TRO: variants seen among roughly 807,000 people sequenced by gnomAD.
The protein encoded by TRO is MAGE superfamily protein.
In TRO, 29 loss-of-function variants were observed where a neutral mutation model predicts 42.3. That is an observed-to-expected ratio of 0.68 (90% CI 0.51 to 0.93). The LOEUF is 0.93. Among genes scored for constraint, TRO ranks in the 40% least tolerant of loss-of-function variants. The pLI, the probability that TRO is intolerant of heterozygous loss-of-function variation, is 0.00. For synonymous variants in TRO, 384 were observed against 425.2 expected (o/e 0.90, Z 1.19); for missense variants, 963 against 1,127.7 (o/e 0.85, Z 2.09).
Position 54,922,596 on chromosome X carries a change from G to A in TRO, c.64G>A (p.Gly22Arg), listed in dbSNP as rs760092964. The change falls in exon 3 of 13, where the codon GGG (glycine) becomes AGG (arginine). Residue 22 changes from glycine (G) to arginine (R), a missense_variant. Coordinates refer to ENST00000173898, the MANE Select transcript of TRO (RefSeq NM_001039705.3). ...PLFQGPLPPP[G>R]SLGLPFPPDI... ...TGTGTAGGGCCCTCTGCCTCCCCCG[G>A]GGAGCCTGGGGCTTCCCTTCCCTCC... The A allele has an allele frequency of 9.9e-6, 12 of 1,209,023 alleles. No homozygotes were observed. The South Asian group carries it at 1.1e-4, about 11-fold the overall frequency.
At position 54,931,309 on chromosome X, in the gene TRO, T is replaced by C. The variant is rs374350720; in HGVS notation, c.*117T>C. 195 of 1,210,584 alleles carry C rather than the reference T, an allele frequency of 1.6e-4. No individual in the cohort carries two copies. Among genetic ancestry groups the C allele is most frequent in the Middle Eastern group, 2.3e-4 (1 of 4,375 alleles). On this transcript the variant is annotated 3_prime_UTR_variant, in exon 13 of 13. Coordinates refer to ENST00000173898, the MANE Select transcript of TRO (RefSeq NM_001039705.3). ...TTGTCCACACAGCAGTCAAGGCAGT[T>C]ATGGCCAATCAGCTGAGGGTGTCAT...
At chrX:54,925,762 C>A in intron 7 of TRO, 79 bp downstream of exon 7, 1 of 878,418 alleles carries the variant, frequency 1.1e-6, no homozygotes, top group Non-Finnish European at 1.6e-6. Context: ...TCCTACTTCC[C>A]CCATCCTCTT....
At chrX:54,924,309 G>C (rs1932491422) in intron 3 of TRO, 142 bp from the exon 4 acceptor site, 5 of 524,783 alleles carry the variant, frequency 9.5e-6, no homozygotes, top group African/African-American at 2.4e-5. Context: ...GTGGCCAATG[G>C]CAAGGTCAGG....
intron 9 of TRO, 183 bp from the exon 10 acceptor site, chrX:54,926,860 G>T: frequency 1.6e-6 from 1 of 623,372 alleles, no homozygotes. Flanking sequence ...GACCTTCAGG[G>T]ATCCCTGACA....
chrX:54,922,608 C>T lies in TRO; in HGVS notation c.76C>T (p.Leu26Phe), dbSNP rs1187547531. ...TCTGCCTCCCCCGGGGAGCCTGGGG[C>T]TTCCCTTCCCTCCAGATATACAGAC... The part of the protein sequence containing the change: ...GPLPPPGSLG[L>F]PFPPDIQTET... Residue 26 changes from leucine to phenylalanine, a missense_variant, in exon 3 of 13, where the codon CTT becomes TTT. Coordinates refer to ENST00000173898, the MANE Select transcript of TRO (RefSeq NM_001039705.3). 4.1e-6 allele frequency: 5 copies of T among 1,207,888 alleles called. No homozygotes were observed. The highest frequency in any genetic ancestry group is 2.3e-4 in the Middle Eastern group (1 of 4,354).
intron 4 of TRO, 42 bp downstream of exon 4, chrX:54,924,597 G>T (rs750697702): frequency 2.3e-5 from 28 of 1,196,042 alleles, no homozygotes; most frequent in Admixed American, 8.8e-5. Flanking sequence ...TTCTTCACTT[G>T]CCCTCTTCTC....
Position 54,929,444 on chromosome X carries a change from G to A in TRO, c.2720G>A (p.Gly907Asp). ...TTTGGTGGCTCTCCCAGCTCCAGTG[G>A]TAGCTTTGGTGGTACACTCAGTACC... The part of the protein sequence containing the change: ...VCFGGSPSSS[G>D]SFGGTLSTSI... The change falls in exon 12 of 13, where the codon GGT becomes GAT. Residue 907 changes from glycine to aspartate, a missense_variant. Physicochemically the swap from Gly to Asp is moderately conservative, Grantham distance 94. Transcript: ENST00000173898. 6 of 1,207,728 alleles carry A rather than the reference G, an allele frequency of 5.0e-6. No homozygotes were observed. The highest frequency in any genetic ancestry group is 6.7e-6 in the Non-Finnish European group (6 of 894,002).
chrX:54,930,412 A>G lies in TRO; in HGVS notation c.3688A>G (p.Ser1230Gly), dbSNP rs749307424. ...TGGCCTAGGCACCAGTGCTGGCTTCAGTGGTGGCCTAAGCACAAGTTCTGG... is the reference window on the plus strand; with the variant it reads ...TGGCCTAGGCACCAGTGCTGGCTTCGGTGGTGGCCTAAGCACAAGTTCTGG... ...GGGLGTSAGF[S>G]GGLSTSSGFD... is the part of the protein sequence containing the mutation. The change falls in exon 12 of 13, where the codon AGT becomes GGT. Residue 1230 changes from serine to glycine, a missense_variant. Around this residue, in one of 2 missense-constraint regions of TRO, gnomAD observed 641 missense variants for 811.3 expected, o/e 0.79. Transcript: ENST00000173898. 3.3e-6 allele frequency: 4 copies of G among 1,203,991 alleles called. No homozygotes were observed. Among genetic ancestry groups the G allele is most frequent in the East Asian group, 3.0e-5 (1 of 33,434 alleles).
At chrX:54,927,379 C>T in intron 10 of TRO, 2 of 495,996 alleles carry the variant, frequency 4.0e-6, no homozygotes, top group Non-Finnish European at 7.1e-6. Flanking sequence ...TCTGGGCTTA[C>T]TCCTCACAGG....
At chrX:54,928,565 G>A (rs1932852882) in intron 11 of TRO, 38 bp from the exon 12 acceptor site, 1 of 1,135,624 alleles carries the variant, frequency 8.8e-7, no homozygotes. Context: ...ATGATTACTA[G>A]GGTTGTTTTC....
chrX:54,923,166 G>C lies in TRO; in HGVS notation c.634G>C (p.Ala212Pro), dbSNP rs1448853710. 8.3e-7 allele frequency: 1 copy of C among 1,209,739 alleles called. No individual in the cohort carries two copies. Among genetic ancestry groups the C allele is most frequent in the Non-Finnish European group, 1.1e-6 (1 of 895,220 alleles). Residue 212 changes from alanine to proline, a missense_variant, in exon 3 of 13, where the codon GCA becomes CCA. This residue lies in a region of TRO where 322 missense variants were observed against 316.5 expected (regional missense o/e 1.02). Transcript: ENST00000173898. ...GAAAGCTTCCAAGGCTAAGAAGGCT[G>C]CAAATAAGGCCATAGCTAGTGCCAC... is the stretch of plus-strand genomic sequence containing the variant. The part of the protein sequence containing the change: ...PKKASKAKKA[A>P]NKAIASATEV...
Position 54,920,893 on chromosome X carries a change from C to T in TRO, c.-45+15C>T, listed in dbSNP as rs1176868587. The T allele has an allele frequency of 9.0e-6, 1 of 110,693 alleles. No individual in the cohort carries two copies. The highest frequency in any genetic ancestry group is 1.9e-5 in the Non-Finnish European group (1 of 52,917). The allele number at this position is 110,693 out of a possible 1,213,427, so 9.1% of individuals were successfully genotyped here. ...AAGAAGACGAGGTGAGCTGAGGTAC[C>T]TGGCTTTAGTGAAGACCCTGTGGGG... On this transcript the variant is annotated intron_variant, in intron 1 of 12. Coordinates refer to ENST00000173898, the MANE Select transcript of TRO (RefSeq NM_001039705.3).
rs374645339 is a variant in TRO, at chrX:54,922,961, G to A, written c.429G>A (p.Lys143=). 2.3e-4 allele frequency: 282 copies of A among 1,210,455 alleles called. No individual in the cohort carries two copies. The highest frequency in any genetic ancestry group is 3.0e-4 in the Non-Finnish European group (265 of 895,397). Residue 143 remains lysine (K), a synonymous_variant, in exon 3 of 13, where the codon AAG becomes AAA. Transcript: ENST00000173898. ...TAQPKKANKM[K]RVTAKAAQGS... is the part of the protein sequence containing the mutation. ...AGCCTAAGAAAGCCAACAAGATGAA[G>A]AGAGTTACTGCCAAGGCAGCCCAAG...
chrX:54,926,253 G>A (rs1330924686), intron 7 of TRO, among the ~76,000 whole-genome samples, 157 bp from the exon 8 acceptor site: 1 of 112,760 alleles, frequency 8.9e-6, no homozygotes, highest in South Asian at 3.7e-4. Flanking sequence ...CATAGAGCTG[G>A]AAGCAGAGAC....
Position 54,928,687 on chromosome X carries a change from G to A in TRO, c.1963G>A (p.Ala655Thr). 1 of 1,207,718 alleles carries A rather than the reference G, an allele frequency of 8.3e-7. No homozygotes were observed. Among genetic ancestry groups the A allele is most frequent in the South Asian group, 1.8e-5 (1 of 55,868 alleles). ...MEVQAAAVAV[A>T]EAEARAEARA... Reference sequence around the variant, plus strand: ...AGTCCAAGCTGCAGCTGTGGCTGTGGCTGAGGCTGAAGCCAGGGCTGAGGC... The same window carrying A: ...AGTCCAAGCTGCAGCTGTGGCTGTGACTGAGGCTGAAGCCAGGGCTGAGGC... The change falls in exon 12 of 13, where the codon GCT becomes ACT. Residue 655 changes from alanine to threonine, a missense_variant. Physicochemically the swap from Ala to Thr is moderately conservative, Grantham distance 58 (BLOSUM62 0). This residue lies in a region of TRO where 641 missense variants were observed against 811.3 expected (regional missense o/e 0.79). Coordinates refer to ENST00000173898, the MANE Select transcript of TRO (RefSeq NM_001039705.3).
At chrX:54,922,345 A>G in intron 2 of TRO, 54 bp downstream of exon 2, 1 of 1,151,486 alleles carries the variant, frequency 8.7e-7, no homozygotes, top group Non-Finnish European at 1.2e-6. Flanking sequence ...GAGTTCACTT[A>G]CTGCTCTTCA....
In TRO at chrX:54,928,987, C is replaced by T. The variant is rs1289336847; in HGVS notation, c.2263C>T (p.Pro755Ser). Residue 755 changes from proline to serine, a missense_variant, in exon 12 of 13, where the codon CCT (proline) becomes TCT (serine). Physicochemically the swap from Pro to Ser is moderately conservative, Grantham distance 74. Coordinates refer to ENST00000173898, the MANE Select transcript of TRO (RefSeq NM_001039705.3). ...CTCCAGTGGTGGCTTCAGTGGTGGA[C>T]CTGGCATTACCTTTGGTGTTGCACC... ...PSSSGGFSGG[P>S]GITFGVAPST... 8.3e-7 allele frequency: 1 copy of T among 1,211,979 alleles called. No homozygotes were observed. The highest frequency in any genetic ancestry group is 3.0e-5 in the East Asian group (1 of 33,869).
At position 54,926,463 on chromosome X, in the gene TRO, T is replaced by C; in HGVS notation, c.1631T>C (p.Phe544Ser). 8.2e-7 allele frequency: 1 copy of C among 1,212,318 alleles called. No individual in the cohort carries two copies. The highest frequency in any genetic ancestry group is 1.8e-5 in the South Asian group (1 of 57,018). ...GLLMVILSVI[F>S]MNGNKASEAV... is the part of the protein sequence containing the mutation. ...CTCATGGTGATTCTGAGTGTCATTT[T>C]TATGAATGGCAACAAGGCCAGTGAG... is the stretch of plus-strand genomic sequence containing the variant. Residue 544 changes from phenylalanine (F) to serine (S), a missense_variant, in exon 8 of 13, where the codon TTT becomes TCT. Transcript: ENST00000173898.
At chrX:54,927,823 G>A in intron 11 of TRO, 42 bp downstream of exon 11, 8 of 1,107,755 alleles carry the variant, frequency 7.2e-6, no homozygotes, top group Non-Finnish European at 9.9e-6. Flanking sequence ...TAAGGCAATG[G>A]GATACCCTTG....
Sources: allele counts gnomAD v4.1 joint callset (sites outside exome capture counted in the v4.1 genomes callset), GRCh38; gene constraint gnomAD v4.1.1; regional missense constraint gnomAD v4.1.1; transcripts MANE v1.5; gene names NCBI Gene and HGNC (gene_info 2026-07-23, HGNC 2026-07-21).